Variants in PACS2 observed in about 807,000 individuals in gnomAD.
PACS2 encodes the protein phosphofurin acidic cluster sorting protein 2, also known as PACS1-like protein.
A neutral mutation model predicts 113.0 loss-of-function variants in PACS2; 36 were observed. That is an observed-to-expected ratio of 0.32 (90% CI 0.24 to 0.42). PACS2 has a LOEUF of 0.42. Ranked by LOEUF, PACS2 falls within the 10% of genes least tolerant of loss-of-function variation. The pLI is 1.00. For missense variants in PACS2, 1,015 were observed against 1,239.5 expected (o/e 0.82, Z 2.72); for synonymous variants, 589 against 536.1 (o/e 1.10, Z -1.36).
intron 11 of PACS2, 90 bp downstream of exon 11, chr14:105,380,244 C>A: frequency 9.4e-7 from 1 of 1,068,078 alleles, no homozygotes; most frequent in South Asian, 1.4e-5. Context: ...GCGGGGCCCA[C>A]ATATAGGTCC....
At chr14:105,328,459 C>G (rs994634928) in intron 1 of PACS2, among the ~76,000 whole-genome samples, 5 of 152,200 alleles carry the variant, frequency 3.3e-5, no homozygotes, top group African/African-American at 7.2e-5. Flanking sequence ...CACGGACGCT[C>G]CAGCCGCTGG....
At position 105,352,360 on chromosome 14, in the gene PACS2, G is replaced by A. The variant is rs1555404158; in HGVS notation, c.208-18G>A. 1.9e-6 allele frequency: 3 copies of A among 1,554,776 alleles called. No individual in the cohort carries two copies. Among genetic ancestry groups the A allele is most frequent in the Non-Finnish European group, 2.7e-6 (3 of 1,126,174 alleles). On this transcript the variant is annotated intron_variant, in intron 2 of 24. Transcript: ENST00000447393. The stretch of plus-strand genomic sequence containing the variant: ...ATATGCAGTCCTTTGAGCTAGAACA[G>A]GTCTTGCTTAATCACAGGGCTCCAA...
chr14:105,335,633 G>T (rs2059487030), intron 1 of PACS2, among the ~76,000 whole-genome samples: 1 of 152,234 alleles, frequency 6.6e-6, no homozygotes, highest in African/African-American at 2.4e-5. Flanking sequence ...CCTCGGTGTA[G>T]TCTATCCATG....
At position 105,329,233 on chromosome 14, in the gene PACS2, C is replaced by T. The variant is rs928277560; in HGVS notation, c.119+14196C>T. Among the ~76,000 whole-genome samples the T allele has an allele frequency of 5.3e-5, 8 of 152,284 alleles. No homozygotes were observed. Among genetic ancestry groups the T allele is most frequent in the African/African-American group, 7.2e-5 (3 of 41,548 alleles). ...AGGATGGGCTGCACAGAAGCCTTTC[C>T]GGGGGTGCCTGTGGTTTGCAGGGGC... On this transcript the variant is annotated intron_variant, in intron 1 of 24. Transcript: ENST00000447393. This position sits in a 1 kb window ranked among gnomAD's most constrained non-coding sequence, Gnocchi z 6.4.
chr14:105,367,145 C>T, intron 4 of PACS2, 68 bp from the exon 5 acceptor site: 1 of 1,450,382 alleles, frequency 6.9e-7, no homozygotes. Context: ...AAACCCCAGC[C>T]CACACATCAG....
In PACS2 at chr14:105,357,767, G is replaced by A. The variant is rs1420238057; in HGVS notation, c.423+2590G>A. Among the ~76,000 whole-genome samples the A allele has an allele frequency of 6.6e-6, 1 of 152,176 alleles. No individual in the cohort carries two copies. The highest frequency in any genetic ancestry group is 2.4e-5 in the African/African-American group (1 of 41,436). ...TGTGCCATGGGGGCTTGCTGGCTCC[G>A]AGACTGCACGCCTGAGACGGGGGTG... On this transcript the variant is annotated intron_variant, in intron 4 of 24. Coordinates refer to ENST00000447393, the MANE Select transcript of PACS2 (RefSeq NM_001100913.3). The surrounding 1 kb of genome is among the most constrained non-coding windows in gnomAD (Gnocchi z 5.1).
rs1555416952 is a variant in PACS2 at position 105,396,783 on chromosome 14, G to GT, written c.*2112dup. 6.6e-6 allele frequency: 1 copy of GT among 152,386 alleles called. No individual in the cohort carries two copies. The highest frequency in any genetic ancestry group is 6.5e-5 in the Admixed American group (1 of 15,288). The allele number at this position is 152,386 out of a possible 1,614,324, so 9.4% of individuals were successfully genotyped here. On this transcript the variant is annotated 3_prime_UTR_variant, in exon 25 of 25. Coordinates refer to ENST00000447393, the MANE Select transcript of PACS2 (RefSeq NM_001100913.3). The stretch of plus-strand genomic sequence containing the variant: ...CTCCCAAAGTGCTGGGATTACAGGC[G>GT]TGAGTCACCGCGTCCTGCCTGCTCT...
chr14:105,336,167 C>T (rs587626652), intron 1 of PACS2, among the ~76,000 whole-genome samples: 3 of 152,322 alleles, frequency 2.0e-5, no homozygotes, highest in Admixed American at 2.0e-4. Flanking sequence ...CAACAAAACA[C>T]AGTCAGCAGG....
intron 1 of PACS2, among the ~76,000 whole-genome samples, chr14:105,335,626 C>T (rs979581789): frequency 6.6e-6 from 1 of 152,220 alleles, no homozygotes; most frequent in Admixed American, 6.5e-5. Context: ...TCCTAGCCCT[C>T]GGTGTAGTCT....
intron 1 of PACS2, among the ~76,000 whole-genome samples, chr14:105,319,921 A>T (rs1168267402): frequency 6.6e-6 from 1 of 152,208 alleles, no homozygotes. Context: ...CATTAAGAGG[A>T]TTATATAATT....
chr14:105,396,774 A>G lies in PACS2; in HGVS notation c.*2102A>G, dbSNP rs1367014989. 6.6e-6 allele frequency: 1 copy of G among 152,308 alleles called. No individual in the cohort carries two copies. Among genetic ancestry groups the G allele is most frequent in the African/African-American group, 2.4e-5 (1 of 41,394 alleles). The allele number at this position is 152,308 out of a possible 1,614,324, so 9.4% of individuals were successfully genotyped here. ...CGCCTCGGCCTCCCAAAGTGCTGGGATTACAGGCGTGAGTCACCGCGTCCT... is the reference window on the plus strand; with the variant it reads ...CGCCTCGGCCTCCCAAAGTGCTGGGGTTACAGGCGTGAGTCACCGCGTCCT... On this transcript the variant is annotated 3_prime_UTR_variant, in exon 25 of 25. Transcript: ENST00000447393.
upstream of PACS2, among the ~76,000 whole-genome samples, chr14:105,310,304 G>T (rs950875939): frequency 3.3e-5 from 5 of 151,250 alleles, no homozygotes; most frequent in African/African-American, 1.2e-4. Context: ...GTCGAGGCGG[G>T]CGGATCATGA....
Position 105,356,030 on chromosome 14 carries a change from G to A in PACS2, c.423+853G>A, listed in dbSNP as rs780834879. ...TTGCTGCCTGCCTGGGGCCTGGGAA[G>A]GTCAGCCAGCGCAGCCCCTCATTGG... On this transcript the variant is annotated intron_variant, in intron 4 of 24. Transcript: ENST00000447393. This position sits in a 1 kb window ranked among gnomAD's most constrained non-coding sequence, Gnocchi z 4.0. Among the ~76,000 whole-genome samples, 3 of 152,192 alleles carry A rather than the reference G, an allele frequency of 2.0e-5. No individual in the cohort carries two copies. Among genetic ancestry groups the A allele is most frequent in the Non-Finnish European group, 1.5e-5 (1 of 68,018 alleles).
intron 1 of PACS2, among the ~76,000 whole-genome samples, chr14:105,301,533 G>GA (rs1358735015): frequency 6.6e-6 from 1 of 152,114 alleles, no homozygotes; most frequent in Non-Finnish European, 1.5e-5. Flanking sequence ...CAGCTGCGCT[G>GA]GGGGGCCTGG....
At chr14:105,373,919 A>G (rs1256026325) in intron 8 of PACS2, among the ~76,000 whole-genome samples, 2 of 152,146 alleles carry the variant, frequency 1.3e-5, no homozygotes, top group African/African-American at 4.8e-5. Context: ...TTGAGGCTCA[A>G]GTGACCCGGA....
chr14:105,330,825 G>T lies in PACS2; in HGVS notation c.119+15788G>T, dbSNP rs587773351. Among the ~76,000 whole-genome samples, 2 of 152,206 alleles carry T rather than the reference G, an allele frequency of 1.3e-5. No homozygotes were observed. Among genetic ancestry groups the T allele is most frequent in the Non-Finnish European group, 2.9e-5 (2 of 68,038 alleles). On this transcript the variant is annotated intron_variant, in intron 1 of 24. Coordinates refer to ENST00000447393, the MANE Select transcript of PACS2 (RefSeq NM_001100913.3). This position sits in a 1 kb window ranked among gnomAD's most constrained non-coding sequence, Gnocchi z 6.9. ...CCTCAAATCCTGCTTTTTGCCTTAA[G>T]TGCGTTCCCAATTCCATCTCTGTGC...
At chr14:105,338,006 A>T (rs1336382176) in intron 1 of PACS2, among the ~76,000 whole-genome samples, 1 of 152,180 alleles carries the variant, frequency 6.6e-6, no homozygotes, top group African/African-American at 2.4e-5. Context: ...CCCAGAGAGC[A>T]TACTGTTGGG....
intron 10 of PACS2, 114 bp from the exon 11 acceptor site, chr14:105,379,966 A>T: frequency 7.7e-7 from 1 of 1,302,566 alleles, no homozygotes; most frequent in African/African-American, 1.5e-5. Flanking sequence ...ACTGTCCAGC[A>T]CACTGCCACG....
intron 1 of PACS2, among the ~76,000 whole-genome samples, chr14:105,302,412 A>G (rs2058067297): frequency 6.6e-6 from 1 of 151,628 alleles, no homozygotes. Context: ...CATGTTGGTC[A>G]GGCCAGTCTT....
Sources: allele counts gnomAD v4.1 joint callset (sites outside exome capture counted in the v4.1 genomes callset), GRCh38; gene constraint gnomAD v4.1.1; non-coding constraint Gnocchi (gnomAD v3.1); transcripts MANE v1.5; gene names NCBI Gene and HGNC (gene_info 2026-07-23, HGNC 2026-07-21).